The following MARCHF1 variants were observed in gnomAD, a reference collection of about 807,000 sequenced individuals.
The protein encoded by MARCHF1 is E3 ubiquitin-protein ligase MARCHF1.
In MARCHF1, 40 loss-of-function variants were observed where a neutral mutation model predicts 54.2. The observed-to-expected ratio is 0.74, with a 90% CI of 0.57 to 0.96. MARCHF1 has a LOEUF of 0.96. MARCHF1 is among the 40% of genes least tolerant of loss of function. The pLI is 0.00. For synonymous variants in MARCHF1, 236 were observed against 236.3 expected, an observed-to-expected ratio of 1.00 and a Z score of 0.01; for missense variants, 586 against 656.5, an observed-to-expected ratio of 0.89 and a Z score of 1.17.
intron 2 of MARCHF1, among the ~76,000 whole-genome samples, chr4:164,038,478 G>A (rs1470671079): frequency 6.6e-6 from 1 of 152,180 alleles, no homozygotes; most frequent in Non-Finnish European, 1.5e-5. Flanking sequence ...GGGCGACAGA[G>A]CCAGACTCTG....
chr4:163,724,956 C>T (rs542347355), intron 4 of MARCHF1, among the ~76,000 whole-genome samples: 7 of 152,240 alleles, frequency 4.6e-5, no homozygotes, highest in South Asian at 2.1e-4. Flanking sequence ...TTGCACTTCC[C>T]GGGTGAGGCA....
chr4:164,289,462 A>AT (rs1734232632), intron 1 of MARCHF1, among the ~76,000 whole-genome samples: 1 of 151,830 alleles, frequency 6.6e-6, no homozygotes, highest in Non-Finnish European at 1.5e-5. Context: ...TATGAAACAG[A>AT]TTTTTTAAAG....
intron 2 of MARCHF1, among the ~76,000 whole-genome samples, chr4:164,071,629 G>A (rs1754869206): frequency 1.3e-5 from 2 of 151,972 alleles, no homozygotes; most frequent in South Asian, 2.1e-4. Flanking sequence ...CTTGTCATAA[G>A]GAATACTTAA....
chr4:163,990,754 T>C (rs143839109), intron 2 of MARCHF1, among the ~76,000 whole-genome samples: 61 of 152,320 alleles, frequency 4.0e-4, no homozygotes, highest in Admixed American at 3.4e-3. Flanking sequence ...ATGCTGGAAA[T>C]AGAAGTCTGT....
intron 1 of MARCHF1, among the ~76,000 whole-genome samples, chr4:164,118,049 A>C (rs1755976943): frequency 1.3e-5 from 2 of 152,070 alleles, no homozygotes; most frequent in African/African-American, 4.8e-5. Flanking sequence ...TAGAAAAAGA[A>C]AGTTTAAGCA....
chr4:164,331,674 G>T lies in MARCHF1; in HGVS notation c.-323+52196C>A, dbSNP rs184980196. ...TTCCTTTTGGTCACATTTATATATA[G>T]TAGAGTGTATGTGTATATAAATACA... On this transcript the variant is annotated intron_variant, in intron 1 of 9. Coordinates refer to ENST00000514618, the MANE Select transcript of MARCHF1 (RefSeq NM_001394959.1). Among the ~76,000 whole-genome samples the T allele has an allele frequency of 1.3e-3, 195 of 152,154 alleles. 3 individuals carry two copies. The highest frequency in any genetic ancestry group is 3.1e-4 in the Non-Finnish European group (21 of 67,976).
rs1375625791 is a variant in MARCHF1 at position 163,737,959 on chromosome 4, C to T, written c.112-37096G>A. 7.9e-5 allele frequency among the ~76,000 whole-genome samples: 6 copies of T among 76,320 alleles called. 2 individuals carry two copies. The highest frequency in any genetic ancestry group is 1.8e-4 in the African/African-American group (6 of 32,894). The allele number at this position is 76,320 out of a possible 152,430, so 50.1% of individuals were successfully genotyped here. ...ATGCTGCTCTAAAGACACATGCACA[C>T]GTATGTTTATTGCGGCACTATTCGC... On this transcript the variant is annotated intron_variant, in intron 4 of 9. Transcript: ENST00000514618.
intron 2 of MARCHF1, among the ~76,000 whole-genome samples, chr4:164,079,683 G>T (rs988949505): frequency 6.6e-6 from 1 of 151,898 alleles, no homozygotes; most frequent in Non-Finnish European, 1.5e-5. Flanking sequence ...AAAATGATTT[G>T]TGTAATCCTT....
At chr4:163,858,734 T>G (rs551867316) in intron 3 of MARCHF1, among the ~76,000 whole-genome samples, 1 of 152,134 alleles carries the variant, frequency 6.6e-6, no homozygotes, top group Non-Finnish European at 1.5e-5. Flanking sequence ...TTGAGAAAAC[T>G]CTAACATTCA....
At chr4:164,035,490 C>G (rs1260131585) in intron 2 of MARCHF1, among the ~76,000 whole-genome samples, 1 of 150,930 alleles carries the variant, frequency 6.6e-6, no homozygotes, top group Non-Finnish European at 1.5e-5. Context: ...AACTACATAA[C>G]TTTTCATTGT....
intron 1 of MARCHF1, among the ~76,000 whole-genome samples, chr4:164,288,060 G>C (rs1734194547): frequency 6.6e-6 from 1 of 152,072 alleles, no homozygotes; most frequent in African/African-American, 2.4e-5. Flanking sequence ...AATGTTTTGT[G>C]GGTGTGGGGA....
chr4:163,539,583 ATAAGTTTAGGGTGTCCCAGCTTGAC>A (rs1250766171), intron 9 of MARCHF1, among the ~76,000 whole-genome samples: 2 of 152,150 alleles, frequency 1.3e-5, no homozygotes, highest in Non-Finnish European at 2.9e-5. Flanking sequence ...TCACTGTGTT[ATAAGTTTAGGGTGTCCCAGCTTGAC>A]TCAAGGTAAG....
In MARCHF1 at chr4:163,844,416, C is replaced by A. The variant is rs116263114; in HGVS notation, c.111+9605G>T. 6.1e-3 allele frequency among the ~76,000 whole-genome samples: 933 copies of A among 152,146 alleles called. 10 individuals carry two copies. Among genetic ancestry groups the A allele is most frequent in the Middle Eastern group, 0.024 (7 of 294 alleles). On this transcript the variant is annotated intron_variant, in intron 4 of 9. Coordinates refer to ENST00000514618, the MANE Select transcript of MARCHF1 (RefSeq NM_001394959.1). ...ATAGTTTCTTTTGCTGTGCAGAGTT[C>A]TTTAATTTAATTTGCTCCCACTGAA...
chr4:164,263,403 T>C (rs1733522499), intron 1 of MARCHF1, among the ~76,000 whole-genome samples: 1 of 152,142 alleles, frequency 6.6e-6, no homozygotes, highest in African/African-American at 2.4e-5. Flanking sequence ...TTTTTAGAGA[T>C]GTGGTTTTGC....
chr4:164,189,522 G>A (rs1263482626), intron 1 of MARCHF1: 1 of 782,044 alleles, frequency 1.3e-6, no homozygotes, highest in Non-Finnish European at 2.3e-6. Flanking sequence ...ATGGCAAGGA[G>A]TCCTCCCATG....
rs140420839 is a variant in MARCHF1 at position 164,278,545 on chromosome 4, C to A, written c.-323+105325G>T. On this transcript the variant is annotated intron_variant, in intron 1 of 9. Transcript: ENST00000514618. ...GGTATAATGTTAGCTTATGCCAGAGCTGACCTTGAAAGATTGTTCAAATAT... is the reference window on the plus strand; with the variant it reads ...GGTATAATGTTAGCTTATGCCAGAGATGACCTTGAAAGATTGTTCAAATAT... Among the ~76,000 whole-genome samples the A allele has an allele frequency of 6.9e-3, 1,052 of 152,258 alleles. 13 individuals carry two copies. The highest frequency in any genetic ancestry group is 0.024 in the African/African-American group (1,009 of 41,548).
intron 4 of MARCHF1, among the ~76,000 whole-genome samples, chr4:163,844,313 C>T (rs753041873): frequency 2.6e-5 from 4 of 152,078 alleles, no homozygotes; most frequent in Non-Finnish European, 5.9e-5. Flanking sequence ...TTTATAGATT[C>T]TGGATATTAG....
At chr4:163,958,965 C>T (rs2110804515) in intron 3 of MARCHF1, among the ~76,000 whole-genome samples, 1 of 152,046 alleles carries the variant, frequency 6.6e-6, no homozygotes, top group Non-Finnish European at 1.5e-5. Flanking sequence ...CATCTGTTCT[C>T]ACTGAGGAAT....
chr4:164,372,054 G>A (rs779614849), intron 1 of MARCHF1, among the ~76,000 whole-genome samples: 2 of 152,204 alleles, frequency 1.3e-5, no homozygotes. Flanking sequence ...CAGCCTGGGT[G>A]ACAGAGGGAG....
Sources: allele counts gnomAD v4.1 joint callset (sites outside exome capture counted in the v4.1 genomes callset), GRCh38; gene constraint gnomAD v4.1.1; transcripts MANE v1.5; gene names NCBI Gene and HGNC (gene_info 2026-07-23, HGNC 2026-07-21).